The following AFF2 variants were observed in gnomAD, a reference collection of about 807,000 sequenced individuals.
AFF2 encodes ALF transcription elongation factor 2, also known as AF4/FMR2 family member 2.
Under a neutral mutation model 76.9 loss-of-function variants are expected in AFF2, and 14 were observed. That is an observed-to-expected ratio of 0.18 (90% CI 0.12 to 0.28). The LOEUF (loss-of-function observed/expected upper bound fraction) is 0.28, where lower values mean the gene tolerates loss of function less well. AFF2 is among the 10% of genes least tolerant of loss of function. AFF2 has a pLI of 1.00. For missense variants in AFF2, 868 were observed against 1,001.1 expected, an observed-to-expected ratio of 0.87 and a Z score of 1.79; for synonymous variants, 398 against 366.7, an observed-to-expected ratio of 1.09 and a Z score of -0.98.
chrX:148,698,400 T>C (rs1557261510), intron 3 of AFF2, among the ~76,000 whole-genome samples: 1 of 112,656 alleles, frequency 8.9e-6, no homozygotes, highest in Non-Finnish European at 1.9e-5. Context: ...TTTGCATGTA[T>C]GTCAAGCGAC....
intron 8 of AFF2, among the ~76,000 whole-genome samples, chrX:148,886,541 G>A (rs1189661105): frequency 8.9e-6 from 1 of 112,042 alleles, no homozygotes; most frequent in East Asian, 2.8e-4. Flanking sequence ...AGCATTTACA[G>A]TATTTTACCA....
intron 1 of AFF2, among the ~76,000 whole-genome samples, chrX:148,591,703 G>A (rs1420617613): frequency 8.9e-6 from 1 of 112,019 alleles, no homozygotes; most frequent in East Asian, 2.8e-4. Context: ...TACGTTTTGT[G>A]TAATCTTGCT....
chrX:148,927,388 C>T, intron 9 of AFF2, among the ~76,000 whole-genome samples: 1 of 111,047 alleles, frequency 9.0e-6, no homozygotes, highest in Non-Finnish European at 1.9e-5. Flanking sequence ...TCTTCTTTCC[C>T]TTTCTCTCTT....
At chrX:148,922,582 T>G (rs1259880901) in intron 9 of AFF2, among the ~76,000 whole-genome samples, 1 of 112,494 alleles carries the variant, frequency 8.9e-6, no homozygotes, top group Non-Finnish European at 1.9e-5. Flanking sequence ...CTTGCTCTCT[T>G]ATATTCTCTG....
At chrX:148,692,196 G>A (rs1358201947) in intron 3 of AFF2, among the ~76,000 whole-genome samples, 1 of 111,700 alleles carries the variant, frequency 9.0e-6, no homozygotes, top group African/African-American at 3.3e-5. Flanking sequence ...GAATTTATCA[G>A]GCTCTTGAAG....
intron 1 of AFF2, among the ~76,000 whole-genome samples, chrX:148,648,481 G>C (rs532502164): frequency 9.9e-6 from 1 of 101,045 alleles, no homozygotes; most frequent in African/African-American, 3.7e-5. Flanking sequence ...AGAATCGCTT[G>C]AACCTGGGAG....
intron 9 of AFF2, among the ~76,000 whole-genome samples, chrX:148,904,798 A>C (rs1219044181): frequency 8.9e-5 from 10 of 112,076 alleles, no homozygotes; most frequent in African/African-American, 2.6e-4. Flanking sequence ...TTTATGAGAT[A>C]CTCTTAAATC....
At chrX:148,521,412 T>TA (rs2052598669) in intron 1 of AFF2, among the ~76,000 whole-genome samples, 1 of 73,243 alleles carries the variant, frequency 1.4e-5, no homozygotes, top group Non-Finnish European at 2.8e-5. Context: ...ACACACACAC[T>TA]CACTGAGACT....
At position 148,828,694 on chromosome X, in the gene AFF2, A is replaced by G. The variant is rs149810262; in HGVS notation, c.1087-8953A>G. 1.8e-5 allele frequency among the ~76,000 whole-genome samples: 2 copies of G among 111,943 alleles called. 1 individual carries two copies. The highest frequency in any genetic ancestry group is 5.6e-4 in the East Asian group (2 of 3,549). ...TCACTATAGTGTTCTGTTCCCTTGT[A>G]TTTACCTTTGGAGACCTTTCTTTGC... On this transcript the variant is annotated intron_variant, in intron 4 of 20. Coordinates refer to ENST00000370460, the MANE Select transcript of AFF2 (RefSeq NM_002025.4).
intron 1 of AFF2, among the ~76,000 whole-genome samples, chrX:148,533,955 A>G (rs1557236242): frequency 8.9e-6 from 1 of 111,896 alleles, no homozygotes; most frequent in African/African-American, 3.2e-5. Context: ...AATACAGCTC[A>G]CTAAGTCCTC....
At chrX:148,710,691 A>G (rs2054956572) in intron 3 of AFF2, among the ~76,000 whole-genome samples, 2 of 112,261 alleles carry the variant, frequency 1.8e-5, no homozygotes, top group Non-Finnish European at 3.8e-5. Flanking sequence ...AAAATTTGTT[A>G]GAGTAGTGCA....
intron 1 of AFF2, among the ~76,000 whole-genome samples, chrX:148,581,110 T>TATGTGTATATGTATATGTAC (rs2053364561): frequency 1.1e-5 from 1 of 87,237 alleles, no homozygotes; most frequent in East Asian, 3.5e-4. Flanking sequence ...TATATACACA[T>TATGTGTATATGTATATGTAC]ACGTATACAC....
intron 3 of AFF2, among the ~76,000 whole-genome samples, chrX:148,684,226 A>C (rs958373614): frequency 4.5e-5 from 5 of 112,314 alleles, no homozygotes; most frequent in African/African-American, 1.6e-4. Context: ...TTAAGAATAG[A>C]TTATTATTGT....
At chrX:148,554,807 G>C (rs781885234) in intron 1 of AFF2, among the ~76,000 whole-genome samples, 1 of 112,046 alleles carries the variant, frequency 8.9e-6, no homozygotes, top group Non-Finnish European at 1.9e-5. Context: ...CCAGAACCGG[G>C]TCTGGCACAG....
intron 1 of AFF2, among the ~76,000 whole-genome samples, chrX:148,583,932 C>T (rs1342905245): frequency 8.9e-6 from 1 of 112,009 alleles, no homozygotes; most frequent in African/African-American, 3.2e-5. Flanking sequence ...TGTCTTTAGC[C>T]TAAGGACATA....
chrX:148,809,764 G>GA lies in AFF2; in HGVS notation c.1042-105dup, dbSNP rs1303217234. 30 of 776,072 alleles carry GA rather than the reference G, an allele frequency of 3.9e-5. No homozygotes were observed. The South Asian group carries it at 7.2e-4, about 19-fold the overall frequency. 64.0% of individuals were successfully genotyped at this position (776,072 alleles called of 1,213,427 possible). On this transcript the variant is annotated intron_variant, in intron 3 of 20. Coordinates refer to ENST00000370460, the MANE Select transcript of AFF2 (RefSeq NM_002025.4). ...GCAGATATTCTTTTGTATTTAATAG[G>GA]AAAAAAATGATAGCTAGATTTTCTT...
At chrX:148,784,343 C>A (rs782719027) in intron 3 of AFF2, among the ~76,000 whole-genome samples, 1 of 111,837 alleles carries the variant, frequency 8.9e-6, no homozygotes, top group African/African-American at 3.3e-5. Flanking sequence ...GTTACTGAAC[C>A]CACGACTCAA....
rs2072568399 is a variant in AFF2 at position 148,994,278 on chromosome X, C to G, written c.*2946C>G. The G allele has an allele frequency of 8.9e-6, 1 of 111,918 alleles. No homozygotes were observed. 9.2% of individuals were successfully genotyped at this position (111,918 alleles called of 1,213,427 possible). On this transcript the variant is annotated 3_prime_UTR_variant, in exon 21 of 21. Coordinates refer to ENST00000370460, the MANE Select transcript of AFF2 (RefSeq NM_002025.4). The stretch of plus-strand genomic sequence containing the variant: ...TGACAAGTTTGTGTTATGATGTTGG[C>G]TTGGCTTTGTATTTTTAATTAACTT...
intron 3 of AFF2, among the ~76,000 whole-genome samples, chrX:148,709,949 A>AT (rs1269247436): frequency 5.4e-5 from 6 of 111,923 alleles, no homozygotes; most frequent in Non-Finnish European, 9.4e-5. Flanking sequence ...ATAAATTGAG[A>AT]AAGCCTAAAA....
Sources: gnomAD v4.1 joint callset for allele counts (sites outside exome capture counted in the v4.1 genomes callset) on GRCh38, gnomAD v4.1.1 for gene constraint, MANE v1.5 for transcripts, NCBI Gene and HGNC (gene_info 2026-07-23, HGNC 2026-07-21) for gene names.